The following HIP1R variants were observed in gnomAD, a reference collection of about 807,000 sequenced individuals.
HIP1R encodes the protein huntingtin-interacting protein 1-related protein.
Under a neutral mutation model 144.2 loss-of-function variants are expected in HIP1R, and 135 were observed. The observed-to-expected ratio is 0.94, with a 90% CI of 0.81 to 1.08. HIP1R has a LOEUF of 1.08. Among genes scored for constraint, HIP1R ranks in the 50% least tolerant of loss-of-function variants. The pLI, the probability that HIP1R is intolerant of heterozygous loss-of-function variation, is 0.00. For synonymous variants in HIP1R, 698 were observed against 612.8 expected (o/e 1.14, Z -2.05); for missense variants, 1,462 against 1,432.8 (o/e 1.02, Z -0.33).
At chr12:122,855,528 G>C (rs557693664) in intron 11 of HIP1R, 23 bp from the exon 12 acceptor site, 1 of 1,549,336 alleles carries the variant, frequency 6.5e-7, no homozygotes, top group East Asian at 2.4e-5. Flanking sequence ...GGTGAGTGGG[G>C]TCACCATGCT....
At chr12:122,842,315 G>A (rs908554337) in intron 1 of HIP1R, among the ~76,000 whole-genome samples, 1 of 152,214 alleles carries the variant, frequency 6.6e-6, no homozygotes, top group South Asian at 2.1e-4. Context: ...TCATTTCAGC[G>A]TTGATTTTAA....
intron 1 of HIP1R, among the ~76,000 whole-genome samples, chr12:122,846,084 G>A (rs559341254): frequency 3.4e-4 from 52 of 152,296 alleles, no homozygotes; most frequent in African/African-American, 1.1e-3. Flanking sequence ...CTCAGGTGTC[G>A]GCAGCTGGGG....
Position 122,860,698 on chromosome 12 carries a change from G to T in HIP1R, c.2680G>T (p.Val894Leu), listed in dbSNP as rs1208726655. The T allele has an allele frequency of 6.2e-7, 1 of 1,613,286 alleles. No individual in the cohort carries two copies. Among genetic ancestry groups the T allele is most frequent in the Admixed American group, 1.7e-5 (1 of 60,000 alleles). ...TQLVEAADKVVLHTGKYEELI... is the reference protein window; with the variant it reads ...TQLVEAADKVLLHTGKYEELI... ...CCGCAGGGAGGCAGCTGACAAGGTGGTGCTTCACACGGGCAAGTATGAGGA... is the reference window on the plus strand; with the variant it reads ...CCGCAGGGAGGCAGCTGACAAGGTGTTGCTTCACACGGGCAAGTATGAGGA... Residue 894 changes from valine (V) to leucine (L), a missense_variant, in exon 28 of 32, where the codon GTG becomes TTG. By Grantham distance (32) the Val-to-Leu change is conservative. Around this residue, in one of 2 missense-constraint regions of HIP1R, gnomAD observed 1,112 missense variants for 1,011.7 expected, o/e 1.10. Coordinates refer to ENST00000253083, the MANE Select transcript of HIP1R (RefSeq NM_003959.3).
At position 122,856,525 on chromosome 12, in the gene HIP1R, G is replaced by A. The variant is rs140185276; in HGVS notation, c.1495G>A (p.Val499Met). ...KEQLAFQVEQ[V>M]KRESELKLEE... is the part of the protein sequence containing the mutation. Reference sequence around the variant, plus strand: ...GCAGCTGGCCTTCCAGGTGGAGCAGGTGAAGCGGGAGTCGGAGTTGAAGGT... The same window carrying A: ...GCAGCTGGCCTTCCAGGTGGAGCAGATGAAGCGGGAGTCGGAGTTGAAGGT... Residue 499 changes from valine (V) to methionine (M), a missense_variant, in exon 16 of 32, where the codon GTG becomes ATG. By Grantham distance (21) the Val-to-Met change is conservative. Around this residue, in one of 2 missense-constraint regions of HIP1R, gnomAD observed 1,112 missense variants for 1,011.7 expected, o/e 1.10. Coordinates refer to ENST00000253083, the MANE Select transcript of HIP1R (RefSeq NM_003959.3). 2.5e-4 allele frequency: 398 copies of A among 1,599,332 alleles called. No individual in the cohort carries two copies. The highest frequency in any genetic ancestry group is 3.0e-4 in the Admixed American group (17 of 57,426).
Position 122,850,898 on chromosome 12 carries a change from G to A in HIP1R, c.502G>A (p.Asp168Asn), listed in dbSNP as rs775359575. ...GGTACTGGAGAAGGCAGCTGGGACCGATGTCAACAACATGTGAGTCACTCT... is the reference window on the plus strand; with the variant it reads ...GGTACTGGAGAAGGCAGCTGGGACCAATGTCAACAACATGTGAGTCACTCT... ...DEVLEKAAGT[D>N]VNNIFQLTVE... Residue 168 changes from aspartate to asparagine, a missense_variant, in exon 6 of 32, where the codon GAT becomes AAT. Around this residue, in one of 2 missense-constraint regions of HIP1R, gnomAD observed 350 missense variants for 421.1 expected, o/e 0.83. Coordinates refer to ENST00000253083, the MANE Select transcript of HIP1R (RefSeq NM_003959.3). 1.8e-5 allele frequency: 29 copies of A among 1,610,404 alleles called. No individual in the cohort carries two copies. The highest frequency in any genetic ancestry group is 9.4e-5 in the African/African-American group (7 of 74,674).
In HIP1R at chr12:122,860,516, C is replaced by T. The variant is rs750581774; in HGVS notation, c.2653C>T (p.Gln885Ter). ...ASKAVGWGAT[Q>*]LVEAADKVVL... The stretch of plus-strand genomic sequence containing the variant: ...CAAGGCTGTGGGCTGGGGAGCCACA[C>T]AGCTGGTGTAGGTTGCCCTGGGTGG... The change falls in exon 27 of 32, where the codon CAG (glutamine) becomes TAG (stop). Residue 885 changes from glutamine to a stop codon, truncating the protein, a stop_gained. Transcript: ENST00000253083. LOFTEE classifies it high-confidence loss of function. 1 of 1,611,014 alleles carries T rather than the reference C, an allele frequency of 6.2e-7. No homozygotes were observed.
chr12:122,851,042 C>T, intron 6 of HIP1R, 131 bp downstream of exon 6: 4 of 909,248 alleles, frequency 4.4e-6, no homozygotes, highest in Non-Finnish European at 6.8e-6. Flanking sequence ...GGTTGATGCT[C>T]ACGCTCCCAG....
intron 23 of HIP1R, 62 bp downstream of exon 23, chr12:122,859,598 A>T (rs530619209): frequency 6.2e-5 from 90 of 1,450,804 alleles, no homozygotes; most frequent in Non-Finnish European, 8.1e-5. Flanking sequence ...GGAGGCCCCA[A>T]CTGGGCTGGG....
In HIP1R at chr12:122,862,207, G is replaced by A. The variant is rs1239366133; in HGVS notation, c.*454G>A. The A allele has an allele frequency of 1.8e-5, 3 of 164,822 alleles. No individual in the cohort carries two copies. Among genetic ancestry groups the A allele is most frequent in the Non-Finnish European group, 2.6e-5 (2 of 76,850 alleles). The allele number at this position is 164,822 out of a possible 1,614,324, so 10.2% of individuals were successfully genotyped here. ...CACAGCCCGTGCCGGCTGATGGGACGAGGGTCAGGCATCCTGTCTGTGGCC... is the reference window on the plus strand; with the variant it reads ...CACAGCCCGTGCCGGCTGATGGGACAAGGGTCAGGCATCCTGTCTGTGGCC... On this transcript the variant is annotated 3_prime_UTR_variant, in exon 32 of 32. Transcript: ENST00000253083.
rs756736422 is a variant in HIP1R, at chr12:122,859,058, C to T, written c.2159-3C>T. ...CTCCACTCACGGTCCTTTCTCACCC[C>T]AGGCCTCATAGACACCTGCAGGGAG... On this transcript the variant is annotated splice_polypyrimidine_tract_variant and splice_region_variant and intron_variant, in intron 21 of 31. Coordinates refer to ENST00000253083, the MANE Select transcript of HIP1R (RefSeq NM_003959.3). The T allele has an allele frequency of 2.3e-5, 37 of 1,606,502 alleles. No homozygotes were observed. Among genetic ancestry groups the T allele is most frequent in the South Asian group, 8.9e-5 (8 of 90,202 alleles).
At chr12:122,850,979 A>C (rs1593874225) in intron 6 of HIP1R, 68 bp downstream of exon 6, 247 of 1,446,720 alleles carry the variant, frequency 1.7e-4, no homozygotes, top group Non-Finnish European at 2.3e-4. Flanking sequence ...ACCGCGTCTC[A>C]CGCCCAGGCG....
chr12:122,848,166 T>C, intron 2 of HIP1R, 72 bp downstream of exon 2: 1 of 1,497,576 alleles, frequency 6.7e-7, no homozygotes, highest in South Asian at 1.1e-5. Flanking sequence ...GCAGGTGGCC[T>C]GCGGTCAGCT....
chr12:122,844,410 G>A (rs1325862277), intron 1 of HIP1R, among the ~76,000 whole-genome samples: 2 of 152,190 alleles, frequency 1.3e-5, no homozygotes, highest in Non-Finnish European at 2.9e-5. Context: ...ATAGGCGTGC[G>A]CCACTGTGCC....
chr12:122,853,990 A>C, intron 7 of HIP1R, 53 bp from the exon 8 acceptor site: 2 of 1,584,702 alleles, frequency 1.3e-6, no homozygotes, highest in Non-Finnish European at 8.6e-7. Flanking sequence ...CACCTTGGAC[A>C]GGTTGCCCAG....
rs770270467 is a variant in HIP1R at position 122,849,856 on chromosome 12, CCTGT to C, written c.358-12_358-9del. ...GTGTTCACGAGCCGTGGCCCCTCAC[CCTGT>C]CTGTCTTCACACAGGGACATTTGCA... On this transcript the variant is annotated splice_polypyrimidine_tract_variant and intron_variant, in intron 4 of 31. Coordinates refer to ENST00000253083, the MANE Select transcript of HIP1R (RefSeq NM_003959.3). 2.0e-5 allele frequency: 32 copies of C among 1,599,280 alleles called. No homozygotes were observed. The highest frequency in any genetic ancestry group is 5.4e-5 in the African/African-American group (4 of 74,660).
chr12:122,848,485 C>G lies in HIP1R; in HGVS notation c.177C>G (p.His59Gln). The change falls in exon 3 of 32, where the codon CAC (histidine) becomes CAG (glutamine). Residue 59 changes from histidine (H) to glutamine (Q), a missense_variant. By Grantham distance (24) the His-to-Gln change is conservative. Coordinates refer to ENST00000253083, the MANE Select transcript of HIP1R (RefSeq NM_003959.3). ...TTGCAGGCATCATTCTGGGCACACA[C>G]CACGAGAAGGGGGCTTTCACCTTCT... ...KHARRIILGT[H>Q]HEKGAFTFWS... 3.1e-6 allele frequency: 5 copies of G among 1,612,754 alleles called. No individual in the cohort carries two copies. Among genetic ancestry groups the G allele is most frequent in the Non-Finnish European group, 4.2e-6 (5 of 1,179,622 alleles).
In HIP1R at chr12:122,855,847, A is replaced by G. The variant is rs780295925; in HGVS notation, c.1072A>G (p.Ser358Gly). The change falls in exon 13 of 32, where the codon AGC becomes GGC. Residue 358 changes from serine (S) to glycine (G), a missense_variant. Physicochemically the swap from Ser to Gly is moderately conservative, Grantham distance 56 (BLOSUM62 0). Coordinates refer to ENST00000253083, the MANE Select transcript of HIP1R (RefSeq NM_003959.3). ...TGTCCCCAGGGACCTCCAGATTGAG[A>G]GCTTGAAGAGAGAGGTGGAAATGCT... ...VKDDRDLQIE[S>G]LKREVEMLRS... 6.5e-7 allele frequency: 1 copy of G among 1,540,860 alleles called. No individual in the cohort carries two copies. Among genetic ancestry groups the G allele is most frequent in the Non-Finnish European group, 8.8e-7 (1 of 1,139,708 alleles).
At chr12:122,854,518 T>C (rs1468263484) in intron 8 of HIP1R, among the ~76,000 whole-genome samples, 1 of 151,648 alleles carries the variant, frequency 6.6e-6, no homozygotes, top group Non-Finnish European at 1.5e-5. Flanking sequence ...GTGTCTGGGG[T>C]GTTAGGAGAG....
In HIP1R at chr12:122,860,612, G is replaced by T. The variant is rs892580613; in HGVS notation, c.2661-67G>T. On this transcript the variant is annotated intron_variant, in intron 27 of 31. Coordinates refer to ENST00000253083, the MANE Select transcript of HIP1R (RefSeq NM_003959.3). The stretch of plus-strand genomic sequence containing the variant: ...TCAACAGGGTGCAGGGAGTAGAGGG[G>T]GTGTGGAGTGGTGCCAGCCGTCCGT... The T allele has an allele frequency of 5.8e-6, 9 of 1,551,750 alleles. No individual in the cohort carries two copies. In the Admixed American group the frequency reaches 1.2e-4, roughly 20 times the overall value.
Sources: gnomAD v4.1 joint callset for allele counts (sites outside exome capture counted in the v4.1 genomes callset) on GRCh38, gnomAD v4.1.1 for gene constraint, gnomAD v4.1.1 regional missense constraint, MANE v1.5 for transcripts, NCBI Gene and HGNC (gene_info 2026-07-23, HGNC 2026-07-21) for gene names.